Variants in PLAAT1 observed in about 807,000 individuals in gnomAD.
PLAAT1 encodes the protein phospholipase A and acyltransferase 1, also known as H-REV107 protein-related protein.
In PLAAT1, 13 loss-of-function variants were observed where a neutral mutation model predicts 16.4. The observed-to-expected ratio is 0.79, with a 90% confidence interval of 0.52 to 1.26. The LOEUF (loss-of-function observed/expected upper bound fraction) is 1.26. PLAAT1 is among the 50% of genes most tolerant of loss of function. PLAAT1 has a pLI of 0.00. For synonymous variants in PLAAT1, 73 were observed against 78.4 expected, an observed-to-expected ratio of 0.93 and a Z score of 0.36; for missense variants, 218 against 207.8, an observed-to-expected ratio of 1.05 and a Z score of -0.30.
At chr3:193,260,539 C>G (rs1180322082) in intron 2 of PLAAT1, among the ~76,000 whole-genome samples, 1 of 151,980 alleles carries the variant, frequency 6.6e-6, no homozygotes, top group African/African-American at 2.4e-5. Flanking sequence ...TGGGCAAAGA[C>G]AGGAACAGAC....
chr3:193,243,103 G>A (rs1204377814), intron 1 of PLAAT1, among the ~76,000 whole-genome samples: 1 of 152,174 alleles, frequency 6.6e-6, no homozygotes, highest in African/African-American at 2.4e-5. Context: ...CAGTTGAAAT[G>A]GGAAATTTCT....
chr3:193,276,849 CATTATTAT>C, intron 2 of PLAAT1: 1 of 1,580,832 alleles, frequency 6.3e-7, no homozygotes. Flanking sequence ...AAACAAATAC[CATTATTAT>C]ATTTTGCACA....
At chr3:193,252,408 C>CT (rs1407040176) in intron 1 of PLAAT1, among the ~76,000 whole-genome samples, 1 of 152,046 alleles carries the variant, frequency 6.6e-6, no homozygotes, top group African/African-American at 2.4e-5. Context: ...GTATTGTTTG[C>CT]TTTTTTATTG....
chr3:193,279,482 G>A, downstream of PLAAT1: 1 of 1,564,476 alleles, frequency 6.4e-7, no homozygotes, highest in Non-Finnish European at 8.8e-7. Flanking sequence ...ATTATTTTTA[G>A]ATGTTAAAAG....
downstream of PLAAT1, among the ~76,000 whole-genome samples, chr3:193,280,706 C>T (rs930521492): frequency 2.6e-5 from 4 of 152,182 alleles, no homozygotes; most frequent in African/African-American, 4.8e-5. Context: ...ACTTTAGAGA[C>T]GGTACCTTAG....
chr3:193,262,933 G>C lies in PLAAT1; in HGVS notation c.140-37G>C, dbSNP rs1716637881. 5.6e-6 allele frequency: 9 copies of C among 1,606,724 alleles called. No homozygotes were observed. The East Asian group carries it at 2.0e-4, about 36-fold the overall frequency. ...ATGGCAGTAGAGTTCATTGGACTGG[G>C]TCACTATACCTTACTAACCAGAATT... On this transcript the variant is annotated intron_variant, in intron 2 of 3. Transcript: ENST00000264735.
chr3:193,272,143 G>C (rs142321054), downstream of PLAAT1, among the ~76,000 whole-genome samples: 753 of 152,144 alleles, frequency 4.9e-3, 7 homozygotes, highest in African/African-American at 0.017. Flanking sequence ...CCAAGTAATA[G>C]TTAAAAACCA....
chr3:193,280,793 G>A (rs1717455155), downstream of PLAAT1, among the ~76,000 whole-genome samples: 1 of 152,132 alleles, frequency 6.6e-6, no homozygotes, highest in Admixed American at 6.5e-5. Flanking sequence ...TGATACAAAT[G>A]ATTCTGACAA....
chr3:193,258,671 A>G (rs1021560928), intron 2 of PLAAT1, among the ~76,000 whole-genome samples: 4 of 152,146 alleles, frequency 2.6e-5, no homozygotes, highest in African/African-American at 9.7e-5. Context: ...ATTTTGAAAC[A>G]TACAACCTTT....
downstream of PLAAT1, chr3:193,279,236 T>C: frequency 1.5e-6 from 1 of 676,688 alleles, no homozygotes; most frequent in South Asian, 2.0e-5. Context: ...TTTGCCCTTC[T>C]AGTATATAGA....
downstream of PLAAT1, chr3:193,275,256 T>A: frequency 3.7e-6 from 6 of 1,614,042 alleles, no homozygotes; most frequent in Non-Finnish European, 5.1e-6. Flanking sequence ...GAATCCAAAT[T>A]CTCTTTTGAT....
At chr3:193,275,004 A>G (rs764216432), downstream of PLAAT1, 3 of 1,606,144 alleles carry the variant, frequency 1.9e-6, no homozygotes, top group South Asian at 2.2e-5. Context: ...TTTGGGGAAA[A>G]AAGCAATGCT....
At chr3:193,275,428 T>C (rs565966400), downstream of PLAAT1, 3 of 1,077,070 alleles carry the variant, frequency 2.8e-6, no homozygotes, top group East Asian at 2.4e-5. Context: ...CTGTTGCATC[T>C]ACCTCTCCTT....
chr3:193,275,084 C>T, downstream of PLAAT1: 11 of 1,614,196 alleles, frequency 6.8e-6, no homozygotes, highest in Non-Finnish European at 9.3e-6. Flanking sequence ...GTTGGCCTCC[C>T]AATTTGAGTT....
intron 1 of PLAAT1, among the ~76,000 whole-genome samples, chr3:193,251,147 C>T (rs1319252377): frequency 6.6e-6 from 1 of 152,150 alleles, no homozygotes; most frequent in Admixed American, 6.5e-5. Context: ...GCTTCTCAGG[C>T]ATGGAGAGAT....
chr3:193,260,282 T>G (rs1716537521), intron 2 of PLAAT1, among the ~76,000 whole-genome samples: 1 of 152,124 alleles, frequency 6.6e-6, no homozygotes, highest in East Asian at 1.9e-4. Flanking sequence ...ACACTCTTCT[T>G]GACCTCAGCT....
chr3:193,244,391 C>T (rs181472793), intron 1 of PLAAT1, among the ~76,000 whole-genome samples: 38 of 152,024 alleles, frequency 2.5e-4, no homozygotes, highest in Admixed American at 2.0e-3. Flanking sequence ...GATGACTCTG[C>T]ATCATTGTCA....
chr3:193,270,459 A>G, intron 3 of PLAAT1, 145 bp from the exon 4 acceptor site: 1 of 555,242 alleles, frequency 1.8e-6, no homozygotes. Flanking sequence ...CTTTATGCAG[A>G]ATTTTAATTT....
chr3:193,245,180 C>T (rs145549999), intron 1 of PLAAT1, among the ~76,000 whole-genome samples: 5 of 152,210 alleles, frequency 3.3e-5, no homozygotes, highest in Admixed American at 6.5e-5. Flanking sequence ...CCCTTTGATC[C>T]ACTTCTTCCC....
Sources: gnomAD v4.1 joint callset for allele counts (sites outside exome capture counted in the v4.1 genomes callset) on GRCh38, gnomAD v4.1.1 for gene constraint, MANE v1.5 for transcripts, NCBI Gene and HGNC (gene_info 2026-07-23, HGNC 2026-07-21) for gene names.